EXD3: variants seen among roughly 807,000 people sequenced by gnomAD.
The protein encoded by EXD3 is exonuclease mut-7 homolog.
EXD3 carries 92 observed loss-of-function variants against 98.0 expected under a neutral mutation model. That is an observed-to-expected ratio of 0.94 (90% CI 0.79 to 1.12). The LOEUF (loss-of-function observed/expected upper bound fraction) is 1.12, where lower values mean the gene tolerates loss of function less well. Ranked by LOEUF, EXD3 falls within the 50% of genes most tolerant of loss-of-function variation. The pLI, the probability that EXD3 is intolerant of heterozygous loss-of-function variation, is 0.00. For missense variants in EXD3, 1,222 were observed against 1,191.6 expected (o/e 1.03, Z -0.38); for synonymous variants, 569 against 526.0 (o/e 1.08, Z -1.12).
intron 7 of EXD3, chr9:137,365,945 GCA>G (rs999200225): frequency 2.6e-5 from 12 of 457,768 alleles, no homozygotes; most frequent in African/African-American, 1.4e-4. Context: ...ACACAAACGT[GCA>G]CACACGCACA....
At position 137,403,536 on chromosome 9, in the gene EXD3, C is replaced by A. The variant is rs556630849; in HGVS notation, c.-47-8132G>T. Among the ~76,000 whole-genome samples, 13 of 152,252 alleles carry A rather than the reference C, an allele frequency of 8.5e-5. No homozygotes were observed. The highest frequency in any genetic ancestry group is 1.6e-4 in the Non-Finnish European group (11 of 68,022). ...CAGGTCCGTTTCAGCCCTCCAGACGCCCGTACCCAGGAAACCTGGGCCTCC... is the reference window on the plus strand; with the variant it reads ...CAGGTCCGTTTCAGCCCTCCAGACGACCGTACCCAGGAAACCTGGGCCTCC... On this transcript the variant is annotated intron_variant, in intron 1 of 21. Transcript: ENST00000340951. This position sits in a 1 kb window ranked among gnomAD's most constrained non-coding sequence, Gnocchi z 6.1.
chr9:137,311,360 A>C (rs1000187296), intron 19 of EXD3, among the ~76,000 whole-genome samples: 2 of 152,178 alleles, frequency 1.3e-5, no homozygotes, highest in African/African-American at 4.8e-5. Flanking sequence ...GCTGAGAACA[A>C]GCAGGTGGTC....
intron 7 of EXD3, 108 bp from the exon 8 acceptor site, chr9:137,356,476 G>A: frequency 1.3e-6 from 1 of 759,522 alleles, no homozygotes. Context: ...CCTCAAGTGA[G>A]GTTTATAAGA....
chr9:137,368,803 G>A (rs1835416056), intron 5 of EXD3, among the ~76,000 whole-genome samples: 1 of 151,810 alleles, frequency 6.6e-6, no homozygotes, highest in African/African-American at 2.4e-5. Context: ...GTCTGGCCAG[G>A]GTCCAAGAGG....
chr9:137,398,080 T>C (rs1430416409), intron 1 of EXD3, among the ~76,000 whole-genome samples: 2 of 152,220 alleles, frequency 1.3e-5, no homozygotes, highest in Non-Finnish European at 2.9e-5. Context: ...CACTGAAATG[T>C]GTTTGACTCA....
chr9:137,321,117 C>T (rs766396285), intron 19 of EXD3, among the ~76,000 whole-genome samples: 9 of 152,212 alleles, frequency 5.9e-5, no homozygotes, highest in Non-Finnish European at 8.8e-5. Context: ...GGTGCCTGGC[C>T]GGCTGCAGAT....
At chr9:137,382,037 CGGGGAGGAG>C (rs1836314364) in intron 3 of EXD3, among the ~76,000 whole-genome samples, 19 of 138,026 alleles carry the variant, frequency 1.4e-4, no homozygotes, top group African/African-American at 2.8e-4. Context: ...GGTGAGGGCG[CGGGGAGGAG>C]GTGAGGGCGC....
At chr9:137,409,252 C>T (rs1837880482) in intron 1 of EXD3, among the ~76,000 whole-genome samples, 1 of 152,348 alleles carries the variant, frequency 6.6e-6, no homozygotes, top group South Asian at 2.1e-4. Flanking sequence ...CCCCGAGCCG[C>T]CTCAGGACCC....
chr9:137,315,616 CG>C (rs1406546620), intron 19 of EXD3, among the ~76,000 whole-genome samples: 2 of 152,072 alleles, frequency 1.3e-5, no homozygotes, highest in Admixed American at 1.3e-4. Flanking sequence ...GCCCCCACCC[CG>C]GGGGAGGGGG....
At position 137,324,099 on chromosome 9, in the gene EXD3, T is replaced by C. The variant is rs1238629929; in HGVS notation, c.2043A>G (p.Pro681=). 1.3e-6 allele frequency: 2 copies of C among 1,588,406 alleles called. No individual in the cohort carries two copies. Among genetic ancestry groups the C allele is most frequent in the South Asian group, 1.1e-5 (1 of 87,058 alleles). ...EGRIILTSGQ[P]FHKLRAQVGA... The stretch of plus-strand genomic sequence containing the variant: ...TCTTTGGGACACTCACCTTGTGGAA[T>C]GGCTGCCCCGACGTCAGAATGATCC... Residue 681 remains proline (P), a synonymous_variant, in exon 18 of 22, where the codon CCA becomes CCG. Transcript: ENST00000340951. The surrounding 1 kb of genome is among the most constrained non-coding windows in gnomAD (Gnocchi z 4.1).
rs974310680 is a variant in EXD3, at chr9:137,402,090, A to G, written c.-47-6686T>C. On this transcript the variant is annotated intron_variant, in intron 1 of 21. Coordinates refer to ENST00000340951, the MANE Select transcript of EXD3 (RefSeq NM_017820.5). ...GAGTGCAGTGGTGTGATCTCGGCTC[A>G]CTGCAACCTCTGCCTTTCTGGTTCA... Among the ~76,000 whole-genome samples the G allele has an allele frequency of 2.0e-4, 30 of 151,628 alleles. 1 individual carries two copies. Among genetic ancestry groups the G allele is most frequent in the Admixed American group, 2.0e-3 (30 of 15,240 alleles).
chr9:137,340,347 C>A (rs546213258), intron 17 of EXD3, among the ~76,000 whole-genome samples: 1 of 151,878 alleles, frequency 6.6e-6, no homozygotes, highest in Admixed American at 6.6e-5. Flanking sequence ...TGTGGCGGTG[C>A]GTGCCTGTAA....
chr9:137,376,217 G>A (rs370717873), intron 3 of EXD3, among the ~76,000 whole-genome samples: 195 of 151,832 alleles, frequency 1.3e-3, no homozygotes, highest in African/African-American at 4.4e-3. Flanking sequence ...GGTGGCGGGC[G>A]ACTGTAGTCC....
chr9:137,383,552 G>A (rs111246697), intron 2 of EXD3, among the ~76,000 whole-genome samples, 175 bp from the exon 3 acceptor site: 11 of 152,206 alleles, frequency 7.2e-5, no homozygotes, highest in African/African-American at 1.7e-4. Context: ...TGCCAGCTGC[G>A]GCAGCACCCA....
rs548937653 is a variant in EXD3 at position 137,359,091 on chromosome 9, C to A, written c.657-2723G>T. 7.0e-3 allele frequency among the ~76,000 whole-genome samples: 251 copies of A among 35,756 alleles called. 72 individuals carry two copies. The highest frequency in any genetic ancestry group is 0.015 in the African/African-American group (242 of 16,042). 23.5% of individuals were successfully genotyped at this position (35,756 alleles called of 152,430 possible). A position where few individuals can be genotyped will look rare whatever the true frequency, so the allele number is the denominator to read the frequency against. ...CCTCCAGAGTAGCTGGGACTACAGG[C>A]GCCCGCCACCACGCCTGGGTAATTT... On this transcript the variant is annotated intron_variant, in intron 7 of 21. Transcript: ENST00000340951.
intron 1 of EXD3, among the ~76,000 whole-genome samples, chr9:137,401,152 CTTTT>C (rs34114761): frequency 1.8e-5 from 2 of 108,338 alleles, no homozygotes; most frequent in South Asian, 3.4e-4. Context: ...CACCCATTTC[CTTTT>C]TTTTTTTTTT....
chr9:137,416,771 T>C (rs752449560), intron 1 of EXD3, among the ~76,000 whole-genome samples: 4 of 151,692 alleles, frequency 2.6e-5, no homozygotes, highest in African/African-American at 4.9e-5. Flanking sequence ...CAAGGGTCGG[T>C]AGGCCGTCCC....
chr9:137,309,472 C>A, intron 20 of EXD3, 135 bp downstream of exon 20: 1 of 702,132 alleles, frequency 1.4e-6, no homozygotes, highest in Non-Finnish European at 2.4e-6. Context: ...GGTTTTTCCA[C>A]CTGTCGTCAC....
At chr9:137,317,192 C>T (rs1223668093) in intron 19 of EXD3, among the ~76,000 whole-genome samples, 2 of 152,140 alleles carry the variant, frequency 1.3e-5, no homozygotes, top group Non-Finnish European at 2.9e-5. Flanking sequence ...GGAGGCGGCC[C>T]CAGGCGCGCA....
Sources: gnomAD v4.1 joint callset for allele counts (sites outside exome capture counted in the v4.1 genomes callset) on GRCh38, gnomAD v4.1.1 for gene constraint, Gnocchi (gnomAD v3.1) non-coding constraint, MANE v1.5 for transcripts, NCBI Gene and HGNC (gene_info 2026-07-23, HGNC 2026-07-21) for gene names.